Variants in ZNF782 observed in about 807,000 individuals in gnomAD.
The protein encoded by ZNF782 is zinc finger protein 782.
In ZNF782, 12 loss-of-function variants were observed where a neutral mutation model predicts 13.0. The observed-to-expected ratio is 0.92, with a 90% CI of 0.59 to 1.50. ZNF782 has a LOEUF of 1.50. ZNF782 is among the 40% of genes most tolerant of loss of function. ZNF782 has a pLI of 0.00. For missense variants in ZNF782, 770 were observed against 822.9 expected, an observed-to-expected ratio of 0.94 and a Z score of 0.79; for synonymous variants, 284 against 283.0, an observed-to-expected ratio of 1.00 and a Z score of -0.04.
the ZNF782 span, among the ~76,000 whole-genome samples, chr9:96,896,218 G>A: frequency 6.6e-6 from 1 of 152,124 alleles, no homozygotes; most frequent in African/African-American, 2.4e-5. Flanking sequence ...CCTGATGTCT[G>A]TTAGTAGAGA....
chr9:96,855,478 A>C (rs1851629425), upstream of ZNF782, among the ~76,000 whole-genome samples: 2 of 151,970 alleles, frequency 1.3e-5, no homozygotes, highest in Admixed American at 1.3e-4. Context: ...CTCATAGCTT[A>C]GCTCCCACTT....
the ZNF782 span, among the ~76,000 whole-genome samples, chr9:96,912,331 C>A: frequency 2.0e-5 from 3 of 147,548 alleles, no homozygotes; most frequent in East Asian, 3.9e-4. Context: ...TCGAGACCAG[C>A]CTGGCCAACA....
At chr9:96,855,357 A>G (rs1296489110), upstream of ZNF782, among the ~76,000 whole-genome samples, 1 of 152,142 alleles carries the variant, frequency 6.6e-6, no homozygotes, top group Non-Finnish European at 1.5e-5. Flanking sequence ...CCATCACCTG[A>G]GCAGTATACA....
At chr9:96,912,868 T>A in the ZNF782 span, among the ~76,000 whole-genome samples, 2 of 151,870 alleles carry the variant, frequency 1.3e-5, no homozygotes, top group African/African-American at 4.8e-5. Flanking sequence ...CTGGGGTTTT[T>A]TTTGGCCTGT....
chr9:96,883,826 G>A, the ZNF782 span, among the ~76,000 whole-genome samples: 4 of 152,222 alleles, frequency 2.6e-5, no homozygotes, highest in Admixed American at 2.0e-4. Context: ...ATCAAGAGTT[G>A]ATGAACTGCA....
the ZNF782 span, among the ~76,000 whole-genome samples, chr9:96,916,492 GAA>G: frequency 6.8e-6 from 1 of 146,428 alleles, no homozygotes; most frequent in East Asian, 2.0e-4. Flanking sequence ...CTGTCTCTGG[GAA>G]AAAAAAAAAG....
chr9:96,823,165 A>G (rs1487413977), intron 5 of ZNF782, among the ~76,000 whole-genome samples: 7 of 152,212 alleles, frequency 4.6e-5, no homozygotes. Context: ...TCTCTGTTGT[A>G]ACTACTCAAT....
Position 96,819,600 on chromosome 9 carries a change from C to T in ZNF782, c.423G>A (p.Ala141=), listed in dbSNP as rs35658789. The T allele has an allele frequency of 0.019, 30,719 of 1,613,896 alleles. 310 individuals carry two copies. The highest frequency in any genetic ancestry group is 0.041 in the Middle Eastern group (248 of 6,062). The change falls in exon 6 of 6, where the codon GCG becomes GCA. Residue 141 remains alanine, a synonymous_variant. Transcript: ENST00000481138. ...ARMMPCKCDI[A]GSACQGLSLM... Reference sequence around the variant, plus strand: ...GGCTGAGCCCCTGGCAAGCAGACCCCGCAATGTCACATTTACAAGGCATCA... The same window carrying T: ...GGCTGAGCCCCTGGCAAGCAGACCCTGCAATGTCACATTTACAAGGCATCA...
the ZNF782 span, among the ~76,000 whole-genome samples, chr9:96,932,757 A>G: frequency 6.7e-6 from 1 of 150,258 alleles, no homozygotes; most frequent in East Asian, 2.0e-4. Context: ...GGTTCAAGTG[A>G]TTCTGCTGCC....
chr9:96,893,915 C>G, the ZNF782 span: 3 of 141,628 alleles, frequency 2.1e-5, no homozygotes, highest in Non-Finnish European at 4.4e-5. Flanking sequence ...CGGGAGAATG[C>G]CGTGAACCCG....
the ZNF782 span, among the ~76,000 whole-genome samples, chr9:96,885,938 C>A: frequency 7.9e-5 from 12 of 152,070 alleles, no homozygotes; most frequent in African/African-American, 2.7e-4. Flanking sequence ...GCCTCAACCT[C>A]CCAGGCTCAA....
chr9:96,823,696 G>A (rs192171373), intron 5 of ZNF782, among the ~76,000 whole-genome samples: 75 of 152,278 alleles, frequency 4.9e-4, no homozygotes, highest in African/African-American at 1.6e-3. Flanking sequence ...ATTCATAACC[G>A]TATTTTGAAC....
In ZNF782 at chr9:96,818,639, T is replaced by TA; in HGVS notation, c.1383dup (p.Lys462Ter). On this transcript the variant is annotated frameshift_variant, in exon 6 of 6. Transcript: ENST00000481138. LOFTEE classifies it low-confidence loss of function (END_TRUNC). ...CTCTGATGCACTATGAGGATTGACT[T>TA]ATAGTTAAAAGATTTCCCACATTCA... 1 of 1,614,178 alleles carries TA rather than the reference T, an allele frequency of 6.2e-7. No homozygotes were observed. The highest frequency in any genetic ancestry group is 2.2e-5 in the East Asian group (1 of 44,876).
At chr9:96,881,303 TTTTAG>T in the ZNF782 span, among the ~76,000 whole-genome samples, 3 of 152,122 alleles carry the variant, frequency 2.0e-5, no homozygotes, top group Non-Finnish European at 4.4e-5. Context: ...TTCTTCTAGC[TTTTAG>T]TTTATTTTGC....
chr9:96,901,845 C>T, the ZNF782 span, among the ~76,000 whole-genome samples: 1 of 144,500 alleles, frequency 6.9e-6, no homozygotes, highest in Non-Finnish European at 1.5e-5. Context: ...CGCCATTGCA[C>T]CCCAGCCTGG....
At chr9:96,930,431 G>A in the ZNF782 span, among the ~76,000 whole-genome samples, 1 of 151,202 alleles carries the variant, frequency 6.6e-6, no homozygotes, top group African/African-American at 2.4e-5. Context: ...GGCTGAGGCA[G>A]GAGAAGTGCT....
intron 1 of ZNF782, among the ~76,000 whole-genome samples, chr9:96,862,451 G>C (rs1851712197): frequency 6.6e-6 from 1 of 152,184 alleles, no homozygotes; most frequent in Non-Finnish European, 1.5e-5. Context: ...GTTACACATT[G>C]TAGGCCTGTA....
the ZNF782 span, chr9:96,888,250 A>C: frequency 6.6e-6 from 1 of 152,198 alleles, no homozygotes; most frequent in Non-Finnish European, 1.5e-5. Context: ...AGAAGTCGCT[A>C]TATTAATACT....
the ZNF782 span, chr9:96,893,584 G>A: frequency 1.3e-5 from 2 of 152,138 alleles, no homozygotes; most frequent in African/African-American, 2.4e-5. Context: ...GTACATGTAC[G>A]TTTATTGCAG....
Sources: gnomAD v4.1 joint callset for allele counts (sites outside exome capture counted in the v4.1 genomes callset) on GRCh38, gnomAD v4.1.1 for gene constraint, MANE v1.5 for transcripts, NCBI Gene and HGNC (gene_info 2026-07-23, HGNC 2026-07-21) for gene names.